Variants in FXR1 observed in about 807,000 individuals in gnomAD.
The protein encoded by FXR1 is FMR1 autosomal homolog 1.
In FXR1, 15 loss-of-function variants were observed where a neutral mutation model predicts 84.0. The observed-to-expected ratio is 0.18, with a 90% CI of 0.12 to 0.27. FXR1 has a LOEUF of 0.27. Among genes scored for constraint, FXR1 ranks in the 10% least tolerant of loss-of-function variants. The pLI is 1.00. For synonymous variants in FXR1, 245 were observed against 250.7 expected (o/e 0.98, Z 0.21); for missense variants, 480 against 774.4 (o/e 0.62, Z 4.51).
At chr3:180,932,154 C>T (rs1283979024) in intron 1 of FXR1, among the ~76,000 whole-genome samples, 1 of 143,250 alleles carries the variant, frequency 7.0e-6, no homozygotes, top group Non-Finnish European at 1.5e-5. Context: ...GGGTTTATTC[C>T]TTCAAATCTC....
At chr3:180,947,574 T>C (rs1217054321) in intron 3 of FXR1, among the ~76,000 whole-genome samples, 1 of 152,208 alleles carries the variant, frequency 6.6e-6, no homozygotes, top group South Asian at 2.1e-4. Context: ...TTTTACATTA[T>C]TTAAAACTCC....
intron 8 of FXR1, among the ~76,000 whole-genome samples, chr3:180,951,890 A>C (rs1560004438): frequency 6.6e-6 from 1 of 152,180 alleles, no homozygotes; most frequent in Non-Finnish European, 1.5e-5. Flanking sequence ...AGGGGTAGAA[A>C]ATTAGTAAGT....
intron 3 of FXR1, among the ~76,000 whole-genome samples, chr3:180,947,083 G>T (rs1349647425): frequency 1.3e-5 from 2 of 151,758 alleles, no homozygotes; most frequent in African/African-American, 4.8e-5. Flanking sequence ...ATGGAGTTTT[G>T]CTCTAGGTGC....
chr3:180,953,980 T>C (rs1576968823), intron 9 of FXR1, 140 bp downstream of exon 9: 2 of 564,140 alleles, frequency 3.5e-6, no homozygotes, highest in East Asian at 3.0e-5. Context: ...ATACTTCTTT[T>C]CTTTTTTTGG....
chr3:180,967,987 T>C, intron 13 of FXR1, 64 bp from the exon 14 acceptor site: 1 of 1,027,764 alleles, frequency 9.7e-7, no homozygotes, highest in Non-Finnish European at 1.5e-6. Flanking sequence ...TAGGACATAA[T>C]TTTGAACATT....
chr3:180,948,702 T>C lies in FXR1; in HGVS notation c.420-19T>C, dbSNP rs964291400. 7.7e-7 allele frequency: 1 copy of C among 1,299,956 alleles called. No individual in the cohort carries two copies. Among genetic ancestry groups the C allele is most frequent in the South Asian group, 1.2e-5 (1 of 83,736 alleles). The allele number at this position is 1,299,956 out of a possible 1,614,324, so 80.5% of individuals were successfully genotyped here. On this transcript the variant is annotated intron_variant, in intron 5 of 16. Coordinates refer to ENST00000357559, the MANE Select transcript of FXR1 (RefSeq NM_005087.4). ...TAATCTGTTATTGAGTTCTTACACA[T>C]AAATTGATTTCTCTCTAGGTGTGCT...
At chr3:180,961,366 AAG>A (rs1364027320) in intron 10 of FXR1, 100 bp from the exon 11 acceptor site, 8,196 of 200,520 alleles carry the variant, frequency 0.041, 344 homozygotes, top group South Asian at 0.14. Context: ...AAAAAAAAAA[AAG>A]GTGTGTGTGT....
At chr3:180,946,675 G>A (rs910965017) in intron 3 of FXR1, among the ~76,000 whole-genome samples, 1 of 152,092 alleles carries the variant, frequency 6.6e-6, no homozygotes, top group African/African-American at 2.4e-5. Context: ...GTAGGTTTTG[G>A]TTTATTCATT....
intron 13 of FXR1, 122 bp downstream of exon 13, chr3:180,963,212 G>A (rs902994017): frequency 3.2e-5 from 19 of 597,926 alleles, no homozygotes; most frequent in African/African-American, 9.3e-5. Flanking sequence ...AGGGTAGAAG[G>A]TAGTTCTGAA....
At chr3:180,973,172 A>G (rs1713798687) in intron 15 of FXR1, among the ~76,000 whole-genome samples, 1 of 152,212 alleles carries the variant, frequency 6.6e-6, no homozygotes, top group South Asian at 2.1e-4. Context: ...GGCTTGTATT[A>G]TAAGGACTGG....
chr3:180,934,776 A>T (rs545544606), intron 2 of FXR1, among the ~76,000 whole-genome samples: 8 of 152,230 alleles, frequency 5.3e-5, no homozygotes, highest in Admixed American at 2.6e-4. Flanking sequence ...ACTACTATTT[A>T]TTGGGCAGCT....
At chr3:180,943,265 C>CTTTTTTTTTTT (rs71182562) in intron 3 of FXR1, among the ~76,000 whole-genome samples, 1 of 27,652 alleles carries the variant, frequency 3.6e-5, no homozygotes, top group African/African-American at 1.4e-4. Context: ...CTGTGCCCGG[C>CTTTTTTTTTTT]TTTTTTTTTT....
chr3:180,936,712 A>T (rs1720567198), intron 3 of FXR1, among the ~76,000 whole-genome samples: 1 of 152,228 alleles, frequency 6.6e-6, no homozygotes, highest in South Asian at 2.1e-4. Flanking sequence ...GAGTGAGTAA[A>T]GTGAATGCTT....
At chr3:180,964,108 A>G (rs1451570104) in intron 13 of FXR1, among the ~76,000 whole-genome samples, 1 of 152,162 alleles carries the variant, frequency 6.6e-6, no homozygotes, top group Non-Finnish European at 1.5e-5. Flanking sequence ...CTTTAATATC[A>G]TATCTTTATG....
At chr3:180,929,615 C>T (rs1360081456) in intron 1 of FXR1, among the ~76,000 whole-genome samples, 1 of 152,154 alleles carries the variant, frequency 6.6e-6, no homozygotes, top group Non-Finnish European at 1.5e-5. Context: ...GGCATAAAGC[C>T]CCCTGCCATG....
rs72192827 is a variant in FXR1 at position 180,926,506 on chromosome 3, A to ATATATTT, written c.52-6827_52-6826insATATTTT. 4.7e-3 allele frequency among the ~76,000 whole-genome samples: 581 copies of ATATATTT among 124,274 alleles called. 1 individual carries two copies. The highest frequency in any genetic ancestry group is 8.3e-3 in the Middle Eastern group (2 of 240). 81.5% of individuals were successfully genotyped at this position (124,274 alleles called of 152,430 possible). The stretch of plus-strand genomic sequence containing the variant: ...TATATATATATATATATATATATAT[A>ATATATTT]TTTTTTTTTCTGGCCTTTTGTTGGC... On this transcript the variant is annotated intron_variant, in intron 1 of 16. Transcript: ENST00000357559.
intron 1 of FXR1, among the ~76,000 whole-genome samples, chr3:180,919,680 T>G (rs1718340489): frequency 6.6e-6 from 1 of 151,816 alleles, no homozygotes; most frequent in South Asian, 2.1e-4. Flanking sequence ...TTCATGCATT[T>G]TGTTTTATTT....
At chr3:180,950,018 G>C (rs543466419) in intron 7 of FXR1, among the ~76,000 whole-genome samples, 1 of 152,296 alleles carries the variant, frequency 6.6e-6, no homozygotes, top group East Asian at 1.9e-4. Flanking sequence ...TCTTGTGTGA[G>C]AGGAGAGGAG....
intron 3 of FXR1, among the ~76,000 whole-genome samples, chr3:180,935,655 G>T (rs1411390180): frequency 6.6e-6 from 1 of 152,120 alleles, no homozygotes; most frequent in African/African-American, 2.4e-5. Context: ...ATGTAACAAC[G>T]TGAAATATTG....
Sources: gnomAD v4.1 joint callset for allele counts (sites outside exome capture counted in the v4.1 genomes callset) on GRCh38, gnomAD v4.1.1 for gene constraint, MANE v1.5 for transcripts, NCBI Gene and HGNC (gene_info 2026-07-23, HGNC 2026-07-21) for gene names.